Variants in COL25A1 observed in about 807,000 individuals in gnomAD.
The protein encoded by COL25A1 is collagen type XXV alpha 1 chain.
COL25A1 carries 103 observed loss-of-function variants against 128.4 expected under a neutral mutation model. The observed-to-expected ratio is 0.80, with a 90% CI of 0.68 to 0.94. The LOEUF is 0.94. Ranked by LOEUF, COL25A1 falls within the 40% of genes least tolerant of loss-of-function variation. COL25A1 has a pLI of 0.00. For synonymous variants in COL25A1, 279 were observed against 277.2 expected (o/e 1.01, Z -0.06); for missense variants, 745 against 840.0 (o/e 0.89, Z 1.40).
At chr4:109,061,691 T>C (rs1560618122) in intron 3 of COL25A1, among the ~76,000 whole-genome samples, 1 of 152,166 alleles carries the variant, frequency 6.6e-6, no homozygotes, top group Non-Finnish European at 1.5e-5. Context: ...AAAAAGACAC[T>C]TGCAATCGCC....
intron 3 of COL25A1, among the ~76,000 whole-genome samples, chr4:109,218,363 T>TTTTTGTTTG (rs1560887152): frequency 3.7e-5 from 5 of 135,756 alleles, no homozygotes; most frequent in Non-Finnish European, 6.2e-5. Context: ...TGGGGTTTTT[T>TTTTTGTTTG]TTTTTTTTTT....
intron 3 of COL25A1, among the ~76,000 whole-genome samples, chr4:109,296,578 A>G (rs1725012675): frequency 2.0e-5 from 3 of 152,132 alleles, no homozygotes; most frequent in African/African-American, 7.2e-5. Flanking sequence ...AAGAACTGAC[A>G]AATGCCCTTC....
chr4:108,828,973 G>C (rs889822369), intron 32 of COL25A1, among the ~76,000 whole-genome samples: 1 of 152,140 alleles, frequency 6.6e-6, no homozygotes, highest in East Asian at 1.9e-4. Flanking sequence ...CTGTCACCTA[G>C]AGGCAATATG....
intron 3 of COL25A1, among the ~76,000 whole-genome samples, chr4:109,250,369 TACACAC>T (rs61574026): frequency 3.0e-5 from 4 of 134,864 alleles, no homozygotes; most frequent in African/African-American, 9.0e-5. Context: ...AAGTAGGAGA[TACACAC>T]ACACACACAC....
intron 10 of COL25A1, among the ~76,000 whole-genome samples, chr4:108,939,556 T>G (rs1747829276): frequency 6.6e-6 from 1 of 152,168 alleles, no homozygotes; most frequent in African/African-American, 2.4e-5. Context: ...TAATGAGTAT[T>G]GTAAATATTG....
intron 11 of COL25A1, among the ~76,000 whole-genome samples, chr4:108,926,471 G>A (rs1052696981): frequency 2.6e-5 from 4 of 152,184 alleles, no homozygotes; most frequent in South Asian, 4.2e-4. Flanking sequence ...ATTTTTCCAC[G>A]ATTTAATAAA....
intron 3 of COL25A1, among the ~76,000 whole-genome samples, chr4:109,100,537 T>C (rs1464844874): frequency 6.6e-6 from 1 of 152,072 alleles, no homozygotes; most frequent in Non-Finnish European, 1.5e-5. Context: ...GTGATTGAAA[T>C]AAGGAGAATT....
chr4:109,163,335 T>C (rs976109035), intron 3 of COL25A1, among the ~76,000 whole-genome samples: 2 of 152,206 alleles, frequency 1.3e-5, no homozygotes, highest in Admixed American at 1.3e-4. Context: ...AGGCTTTACG[T>C]TGCCAGTTCA....
intron 8 of COL25A1, among the ~76,000 whole-genome samples, chr4:108,953,959 G>T (rs1417441099): frequency 6.6e-6 from 1 of 152,058 alleles, no homozygotes; most frequent in East Asian, 1.9e-4. Flanking sequence ...AAGGGTTACT[G>T]GTTCTGTATC....
intron 21 of COL25A1, 59 bp downstream of exon 21, chr4:108,863,260 T>G: frequency 6.6e-7 from 1 of 1,525,376 alleles, no homozygotes; most frequent in Non-Finnish European, 9.1e-7. Context: ...TTTAGTTTTT[T>G]GTGTTCTAAA....
chr4:109,180,615 G>T (rs1774534509), intron 3 of COL25A1, among the ~76,000 whole-genome samples: 1 of 151,804 alleles, frequency 6.6e-6, no homozygotes, highest in Non-Finnish European at 1.5e-5. Context: ...TTATATAAGG[G>T]CTTTCAGAAT....
intron 3 of COL25A1, among the ~76,000 whole-genome samples, chr4:109,113,442 C>T (rs553428577): frequency 2.6e-5 from 4 of 151,938 alleles, no homozygotes; most frequent in Non-Finnish European, 4.4e-5. Context: ...TGTGTGATCT[C>T]AAATGTAATT....
chr4:109,124,864 T>C (rs1768444271), intron 3 of COL25A1, among the ~76,000 whole-genome samples: 1 of 152,106 alleles, frequency 6.6e-6, no homozygotes, highest in Admixed American at 6.6e-5. Context: ...AAAATATATG[T>C]ATATATTATC....
chr4:108,840,845 G>A (rs1734360010), intron 31 of COL25A1, among the ~76,000 whole-genome samples: 1 of 152,212 alleles, frequency 6.6e-6, no homozygotes, highest in African/African-American at 2.4e-5. Context: ...CAGATATTTT[G>A]CTAAGTGTTT....
At chr4:108,835,861 C>CTTTTTTTTTTTTTT (rs1158184110) in intron 31 of COL25A1, among the ~76,000 whole-genome samples, 14 of 45,720 alleles carry the variant, frequency 3.1e-4, no homozygotes, top group Admixed American at 3.5e-4. Context: ...TTACATACGT[C>CTTTTTTTTTTTTTT]TTTTTTTTTT....
At chr4:109,142,411 G>A (rs562852060) in intron 3 of COL25A1, among the ~76,000 whole-genome samples, 99 of 152,298 alleles carry the variant, frequency 6.5e-4, no homozygotes, top group Admixed American at 2.4e-3. Flanking sequence ...GGGGTGGAGA[G>A]TTCTGTAGAT....
At chr4:108,926,464 T>C (rs1480483867) in intron 11 of COL25A1, among the ~76,000 whole-genome samples, 1 of 152,196 alleles carries the variant, frequency 6.6e-6, no homozygotes, top group African/African-American at 2.4e-5. Context: ...TTTAAGAATT[T>C]TTCCACGATT....
intron 3 of COL25A1, among the ~76,000 whole-genome samples, chr4:109,179,654 T>C (rs1319632426): frequency 1.3e-5 from 2 of 152,244 alleles, no homozygotes; most frequent in Non-Finnish European, 2.9e-5. Flanking sequence ...AAGCTGTCTT[T>C]TTTCAGATCT....
intron 31 of COL25A1, among the ~76,000 whole-genome samples, chr4:108,837,003 T>C (rs1474300654): frequency 6.6e-6 from 1 of 151,884 alleles, no homozygotes; most frequent in Non-Finnish European, 1.5e-5. Context: ...TGCTTGAACC[T>C]GGGAGATGGA....
Sources: gnomAD v4.1 joint callset for allele counts (sites outside exome capture counted in the v4.1 genomes callset) on GRCh38, gnomAD v4.1.1 for gene constraint, MANE v1.5 for transcripts, NCBI Gene and HGNC (gene_info 2026-07-23, HGNC 2026-07-21) for gene names.